The following TMEM17 variants were observed in gnomAD, a reference collection of about 807,000 sequenced individuals.
TMEM17 encodes transmembrane protein 17.
A neutral mutation model predicts 19.1 loss-of-function variants in TMEM17; 15 were observed. That is an observed-to-expected ratio of 0.78 (90% CI 0.52 to 1.21). The LOEUF (loss-of-function observed/expected upper bound fraction) is 1.21, where lower values mean the gene tolerates loss of function less well. Ranked by LOEUF, TMEM17 falls within the 50% of genes most tolerant of loss-of-function variation. The pLI is 0.00. For synonymous variants in TMEM17, 103 were observed against 86.9 expected (o/e 1.19, Z -1.03); for missense variants, 245 against 242.3 (o/e 1.01, Z -0.07).
chr2:62,504,487 T>C lies in TMEM17; in HGVS notation c.100+1543A>G, dbSNP rs538949245. Among the ~76,000 whole-genome samples the C allele has an allele frequency of 3.9e-5, 6 of 152,340 alleles. No homozygotes were observed. In the South Asian group the frequency reaches 1.0e-3, roughly 26 times the overall value. ...AACTGTAGTCAAATTTTGCAAAGAATGGTTTTCATGTTAGAAGTATTGTGT... is the reference window on the plus strand; with the variant it reads ...AACTGTAGTCAAATTTTGCAAAGAACGGTTTTCATGTTAGAAGTATTGTGT... On this transcript the variant is annotated intron_variant, in intron 1 of 3. Coordinates refer to ENST00000335390, the MANE Select transcript of TMEM17 (RefSeq NM_198276.3).
chr2:62,500,337 A>C lies in TMEM17; in HGVS notation c.*872T>G, dbSNP rs959383444. Reference sequence around the variant, plus strand: ...AATTTTATAACAAAAATATTTCCTAAATACCAAGGCAATCCACCTGTTTTC... The same window carrying C: ...AATTTTATAACAAAAATATTTCCTACATACCAAGGCAATCCACCTGTTTTC... On this transcript the variant is annotated 3_prime_UTR_variant, in exon 4 of 4. Transcript: ENST00000335390. 6.6e-5 allele frequency: 10 copies of C among 152,216 alleles called. No homozygotes were observed. Among genetic ancestry groups the C allele is most frequent in the Non-Finnish European group, 1.2e-4 (8 of 68,034 alleles). 9.4% of individuals were successfully genotyped at this position (152,216 alleles called of 1,614,324 possible).
the TMEM17 span, among the ~76,000 whole-genome samples, chr2:62,454,477 C>T: frequency 1.3e-3 from 202 of 152,232 alleles, 1 homozygote; most frequent in African/African-American, 4.4e-3. Flanking sequence ...AATATAGCTG[C>T]GGTACAGGAT....
the TMEM17 span, among the ~76,000 whole-genome samples, chr2:62,465,107 G>A: frequency 6.6e-6 from 1 of 152,214 alleles, no homozygotes; most frequent in South Asian, 2.1e-4. Flanking sequence ...ATTTGTTTTG[G>A]GAAAGGGCTG....
rs748050462 is a variant in TMEM17, at chr2:62,501,499, C to T, written c.319-12G>A. The T allele has an allele frequency of 7.6e-5, 122 of 1,605,384 alleles. No homozygotes were observed. Among genetic ancestry groups the T allele is most frequent in the Non-Finnish European group, 1.0e-4 (118 of 1,176,700 alleles). On this transcript the variant is annotated splice_polypyrimidine_tract_variant and intron_variant, in intron 3 of 3. Coordinates refer to ENST00000335390, the MANE Select transcript of TMEM17 (RefSeq NM_198276.3). ...GCCAACTCAGGAACCTGCAATGACA[C>T]ATATCAAGAGTAATAAAAATCAGTA...
At chr2:62,498,715 C>CA (rs1439088466), downstream of TMEM17, among the ~76,000 whole-genome samples, 4,177 of 103,698 alleles carry the variant, frequency 0.04, 269 homozygotes, top group African/African-American at 0.14. Context: ...GACTCCGTCT[C>CA]AAAAATAAAA....
the TMEM17 span, among the ~76,000 whole-genome samples, chr2:62,463,632 G>A: frequency 1.3e-5 from 2 of 152,298 alleles, no homozygotes; most frequent in African/African-American, 4.8e-5. Context: ...ATCAGCATGA[G>A]GTACCTGCTA....
chr2:62,484,428 T>TTATCAGCCAC, the TMEM17 span, among the ~76,000 whole-genome samples: 4 of 152,214 alleles, frequency 2.6e-5, no homozygotes, highest in African/African-American at 9.6e-5. Context: ...TGTCTTTCTC[T>TTATCAGCCAC]TATCAGCCAC....
At chr2:62,467,883 CTTTTTTTTTT>C in the TMEM17 span, among the ~76,000 whole-genome samples, 2 of 135,094 alleles carry the variant, frequency 1.5e-5, no homozygotes, top group Admixed American at 1.5e-4. Flanking sequence ...GCCATCTCTC[CTTTTTTTTTT>C]TTTTTTTTCT....
At chr2:62,475,738 C>T in the TMEM17 span, among the ~76,000 whole-genome samples, 1 of 152,210 alleles carries the variant, frequency 6.6e-6, no homozygotes, top group Non-Finnish European at 1.5e-5. Flanking sequence ...GGCTCGCTGA[C>T]AGCTGGGTCT....
chr2:62,475,936 G>A, the TMEM17 span, among the ~76,000 whole-genome samples: 1 of 152,198 alleles, frequency 6.6e-6, no homozygotes, highest in South Asian at 2.1e-4. Context: ...GTAAGAATGT[G>A]CAGGAAAATG....
At chr2:62,469,161 G>A in the TMEM17 span, among the ~76,000 whole-genome samples, 9 of 152,220 alleles carry the variant, frequency 5.9e-5, no homozygotes, top group Admixed American at 3.3e-4. Context: ...ACTTAGTACA[G>A]AAGAAGGTAC....
the TMEM17 span, among the ~76,000 whole-genome samples, chr2:62,477,882 A>G: frequency 6.6e-6 from 1 of 152,160 alleles, no homozygotes; most frequent in Non-Finnish European, 1.5e-5. Flanking sequence ...GGGCCGCCTG[A>G]CCTGCAGACT....
At chr2:62,458,913 T>A in the TMEM17 span, among the ~76,000 whole-genome samples, 692 of 152,340 alleles carry the variant, frequency 4.5e-3, 3 homozygotes, top group African/African-American at 0.016. Flanking sequence ...AGAAACTAAA[T>A]TCTGGTTTTG....
At chr2:62,488,981 G>C in the TMEM17 span, among the ~76,000 whole-genome samples, 18 of 152,206 alleles carry the variant, frequency 1.2e-4, no homozygotes, top group African/African-American at 4.3e-4. Context: ...AATTAAACTT[G>C]AAAACAATGG....
chr2:62,505,597 A>G (rs1680044889), intron 1 of TMEM17, among the ~76,000 whole-genome samples: 1 of 152,158 alleles, frequency 6.6e-6, no homozygotes. Context: ...TGCTTGGGCT[A>G]TTCCTCGTCA....
the TMEM17 span, among the ~76,000 whole-genome samples, chr2:62,473,106 C>T: frequency 2.6e-5 from 4 of 152,150 alleles, no homozygotes; most frequent in African/African-American, 9.7e-5. Context: ...ATTTACTATC[C>T]CCTCCCTCTC....
chr2:62,491,267 G>C, the TMEM17 span: 1 of 152,346 alleles, frequency 6.6e-6, no homozygotes, highest in East Asian at 1.9e-4. Flanking sequence ...TGGGGCTGTA[G>C]TGCACTATGC....
At chr2:62,475,204 C>T in the TMEM17 span, among the ~76,000 whole-genome samples, 1 of 152,206 alleles carries the variant, frequency 6.6e-6, no homozygotes, top group African/African-American at 2.4e-5. Context: ...AGACCAAGGC[C>T]ACTCAAGGAT....
intron 1 of TMEM17, among the ~76,000 whole-genome samples, chr2:62,504,682 C>G (rs1307125930): frequency 6.6e-6 from 1 of 152,090 alleles, no homozygotes; most frequent in Non-Finnish European, 1.5e-5. Flanking sequence ...TAAATTAAAA[C>G]ATACAATATA....
Sources: gnomAD v4.1 joint callset for allele counts (sites outside exome capture counted in the v4.1 genomes callset) on GRCh38, gnomAD v4.1.1 for gene constraint, MANE v1.5 for transcripts, NCBI Gene and HGNC (gene_info 2026-07-23, HGNC 2026-07-21) for gene names.